MGAM2: variants seen among roughly 807,000 people sequenced by gnomAD.
The protein encoded by MGAM2 is probable maltase-glucoamylase 2.
A neutral mutation model predicts 96.1 loss-of-function variants in MGAM2; 98 were observed. That is an observed-to-expected ratio of 1.02 (90% CI 0.87 to 1.21). The LOEUF (loss-of-function observed/expected upper bound fraction) is 1.21, where lower values mean the gene tolerates loss of function less well. MGAM2 is among the 50% of genes most tolerant of loss of function. The pLI, the probability that MGAM2 is intolerant of heterozygous loss-of-function variation, is 0.00. For missense variants in MGAM2, 2,055 were observed against 1,182.4 expected (o/e 1.74, Z -10.82); for synonymous variants, 749 against 414.8 (o/e 1.81, Z -9.79).
chr7:142,135,444 T>C (rs1795029893), intron 7 of MGAM2, among the ~76,000 whole-genome samples: 1 of 152,224 alleles, frequency 6.6e-6, no homozygotes, highest in Non-Finnish European at 1.5e-5. Flanking sequence ...CCCTGTTTTT[T>C]TCTTTCTTTA....
At chr7:142,132,876 T>C (rs1794941353) in intron 6 of MGAM2, among the ~76,000 whole-genome samples, 1 of 129,432 alleles carries the variant, frequency 7.7e-6, no homozygotes, top group Non-Finnish European at 1.5e-5. Context: ...AAATTAAATA[T>C]AATATATAAT....
At chr7:142,150,200 CA>C (rs1217839498) in intron 15 of MGAM2, among the ~76,000 whole-genome samples, 1 of 152,006 alleles carries the variant, frequency 6.6e-6, no homozygotes, top group Non-Finnish European at 1.5e-5. Flanking sequence ...CTCGGCTTCC[CA>C]AAGTGCTGGA....
intron 15 of MGAM2, among the ~76,000 whole-genome samples, chr7:142,151,811 G>A (rs1343771206): frequency 3.9e-5 from 6 of 152,212 alleles, no homozygotes; most frequent in Admixed American, 3.9e-4. Context: ...CTCTGGCCAG[G>A]CATAATGGCC....
chr7:142,220,216 C>T lies in MGAM2; in HGVS notation c.5705C>T (p.Thr1902Ile). The T allele has an allele frequency of 2.8e-6, 2 of 702,848 alleles. No homozygotes were observed. The highest frequency in any genetic ancestry group is 3.0e-5 in the South Asian group (2 of 67,598). The allele number at this position is 702,848 out of a possible 1,614,324, so 43.5% of individuals were successfully genotyped here. ...STNATVPITT[T>I]PFPTSTIGVT... Reference sequence around the variant, plus strand: ...AATGCTACTGTTCCTATCACAACCACACCTTTCCCAACAAGTACTATTGGT... The same window carrying T: ...AATGCTACTGTTCCTATCACAACCATACCTTTCCCAACAAGTACTATTGGT... Residue 1902 changes from threonine (T) to isoleucine (I), a missense_variant, in exon 48 of 48, where the codon ACA (threonine) becomes ATA (isoleucine). By Grantham distance (89) the Thr-to-Ile change is moderately conservative. Transcript: ENST00000477922.
chr7:142,178,708 T>G (rs980600369), intron 32 of MGAM2, among the ~76,000 whole-genome samples: 1 of 152,158 alleles, frequency 6.6e-6, no homozygotes, highest in Admixed American at 6.6e-5. Flanking sequence ...ATGTGATATC[T>G]GTAGTTTTGT....
intron 15 of MGAM2, among the ~76,000 whole-genome samples, chr7:142,150,232 C>A (rs1046270422): frequency 6.6e-6 from 1 of 152,156 alleles, no homozygotes; most frequent in Non-Finnish European, 1.5e-5. Context: ...TGAGCCACCA[C>A]GCCTGGCTGA....
In MGAM2 at chr7:142,172,734, C is replaced by T. The variant is rs771768283; in HGVS notation, c.3531C>T (p.Thr1177=). 1.4e-6 allele frequency: 1 copy of T among 703,560 alleles called. No individual in the cohort carries two copies. Among genetic ancestry groups the T allele is most frequent in the South Asian group, 1.5e-5 (1 of 67,558 alleles). 43.6% of individuals were successfully genotyped at this position (703,560 alleles called of 1,614,324 possible). Reference sequence around the variant, plus strand: ...ACTTCTACATTGTTTTGGGGCCAACCCCTGAACTTGTAACTCAGCAATACA... The same window carrying T: ...ACTTCTACATTGTTTTGGGGCCAACTCCTGAACTTGTAACTCAGCAATACA... The part of the protein sequence containing the change: ...ILDFYIVLGP[T]PELVTQQYTE... Residue 1177 remains threonine, a synonymous_variant, in exon 30 of 48, where the codon ACC becomes ACT. Coordinates refer to ENST00000477922, the MANE Select transcript of MGAM2 (RefSeq NM_001293626.2).
intron 37 of MGAM2, among the ~76,000 whole-genome samples, chr7:142,190,854 G>A (rs1796846115): frequency 6.6e-6 from 1 of 151,790 alleles, no homozygotes; most frequent in Non-Finnish European, 1.5e-5. Context: ...TTGAGTTGTG[G>A]CCAGGCGTGG....
intron 32 of MGAM2, 126 bp downstream of exon 32, chr7:142,175,906 T>C: frequency 2.2e-6 from 1 of 455,256 alleles, no homozygotes; most frequent in Non-Finnish European, 3.9e-6. Flanking sequence ...TTTTGTTTTG[T>C]TTTGCAACTT....
intron 2 of MGAM2, among the ~76,000 whole-genome samples, chr7:142,118,083 T>C (rs1019350888): frequency 6.6e-6 from 1 of 150,428 alleles, no homozygotes; most frequent in Non-Finnish European, 1.5e-5. Flanking sequence ...TTGTTATCTA[T>C]TGAAACAATG....
chr7:142,158,053 C>T lies in MGAM2; in HGVS notation c.2040C>T (p.His680=). The stretch of plus-strand genomic sequence containing the variant: ...TCTATACCCTTTTCTACCATGCTCA[C>T]ACCCGGGGAGAGACGGTAGCAAGGC... ...PYLYTLFYHA[H]TRGETVARPL... Residue 680 remains histidine (H), a synonymous_variant, in exon 18 of 48, where the codon CAC becomes CAT. Transcript: ENST00000477922. 2.8e-6 allele frequency: 2 copies of T among 703,016 alleles called. No individual in the cohort carries two copies. The highest frequency in any genetic ancestry group is 5.2e-6 in the Non-Finnish European group (2 of 385,000). The allele number at this position is 703,016 out of a possible 1,614,324, so 43.5% of individuals were successfully genotyped here.
intron 12 of MGAM2, among the ~76,000 whole-genome samples, chr7:142,143,265 C>A (rs922261347): frequency 2.6e-5 from 4 of 152,046 alleles, no homozygotes; most frequent in African/African-American, 9.7e-5. Context: ...TAGGCATAGA[C>A]AGAAAAGGGA....
At chr7:142,123,463 T>C (rs558456280) in intron 3 of MGAM2, among the ~76,000 whole-genome samples, 1 of 152,344 alleles carries the variant, frequency 6.6e-6, no homozygotes, top group East Asian at 1.9e-4. Context: ...TACATCCTAA[T>C]CAACGCTTGG....
At chr7:142,185,314 G>A (rs1796661818) in intron 34 of MGAM2, among the ~76,000 whole-genome samples, 175 bp downstream of exon 34, 1 of 152,180 alleles carries the variant, frequency 6.6e-6, no homozygotes, top group African/African-American at 2.4e-5. Context: ...TCAACAAACA[G>A]CGAACATGGA....
chr7:142,170,533 A>T (rs998278459), intron 27 of MGAM2, among the ~76,000 whole-genome samples: 1 of 152,192 alleles, frequency 6.6e-6, no homozygotes, highest in African/African-American at 2.4e-5. Context: ...ATAACCTAAG[A>T]TACAAATGAG....
At chr7:142,130,829 G>C (rs1226724534) in intron 3 of MGAM2, 119 bp from the exon 4 acceptor site, 2 of 591,156 alleles carry the variant, frequency 3.4e-6, no homozygotes, top group East Asian at 2.8e-5. Context: ...ATAAATTAAT[G>C]AATGTAATTA....
At position 142,160,856 on chromosome 7, in the gene MGAM2, CCTAATGAGG is replaced by C. The variant is rs542495127; in HGVS notation, c.2346-263_2346-255del. Among the ~76,000 whole-genome samples the C allele has an allele frequency of 4.0e-3, 607 of 152,182 alleles. 2 individuals carry two copies. Among genetic ancestry groups the C allele is most frequent in the Middle Eastern group, 6.8e-3 (2 of 294 alleles). Reference sequence around the variant, plus strand: ...AAGAGTGCCTGGCACATGGTAAACACCTAATGAGGCTAATTGTTGGTATTATGTATTGCA... The same window carrying C: ...AAGAGTGCCTGGCACATGGTAAACACCTAATTGTTGGTATTATGTATTGCA... On this transcript the variant is annotated intron_variant, in intron 21 of 47. Coordinates refer to ENST00000477922, the MANE Select transcript of MGAM2 (RefSeq NM_001293626.2).
In MGAM2 at chr7:142,189,354, C is replaced by A; in HGVS notation, c.4208-13C>A. ...TCATGTTGTTTAGGAAATAACTCAACATTTCCCCTCAGATTTGGAATCTAG... is the reference window on the plus strand; with the variant it reads ...TCATGTTGTTTAGGAAATAACTCAAAATTTCCCCTCAGATTTGGAATCTAG... On this transcript the variant is annotated splice_polypyrimidine_tract_variant and intron_variant, in intron 36 of 47. Transcript: ENST00000477922. 1.5e-6 allele frequency: 1 copy of A among 676,202 alleles called. No individual in the cohort carries two copies. Among genetic ancestry groups the A allele is most frequent in the Admixed American group, 2.3e-5 (1 of 43,084 alleles). The allele number at this position is 676,202 out of a possible 1,614,324, so 41.9% of individuals were successfully genotyped here.
At position 142,164,926 on chromosome 7, in the gene MGAM2, C is replaced by A. The variant is rs1221900402; in HGVS notation, c.2555C>A (p.Thr852Lys). ...DTDNLMFTDI[T>K]ILGMDKQPAN... ...GACAACCTCATGTTCACAGATATCA[C>A]AATCTTGGGAATGGACAAACAGCCA... The change falls in exon 24 of 48, where the codon ACA (threonine) becomes AAA (lysine). Residue 852 changes from threonine to lysine, a missense_variant. Physicochemically the swap from Thr to Lys is moderately conservative, Grantham distance 78. Coordinates refer to ENST00000477922, the MANE Select transcript of MGAM2 (RefSeq NM_001293626.2). 1.4e-6 allele frequency: 1 copy of A among 702,634 alleles called. No homozygotes were observed. Among genetic ancestry groups the A allele is most frequent in the Non-Finnish European group, 2.6e-6 (1 of 384,848 alleles). The allele number at this position is 702,634 out of a possible 1,614,324, so 43.5% of individuals were successfully genotyped here. A position where few individuals can be genotyped will look rare whatever the true frequency, so the allele number is the denominator to read the frequency against.
Sources: allele counts gnomAD v4.1 joint callset (sites outside exome capture counted in the v4.1 genomes callset), GRCh38; gene constraint gnomAD v4.1.1; transcripts MANE v1.5; gene names NCBI Gene and HGNC (gene_info 2026-07-23, HGNC 2026-07-21).